The following TSHZ3 variants were observed in gnomAD, a reference collection of about 807,000 sequenced individuals.
TSHZ3 encodes the protein teashirt zinc finger homeobox 3.
A neutral mutation model predicts 64.5 loss-of-function variants in TSHZ3; 10 were observed. That is an observed-to-expected ratio of 0.16 (90% CI 0.10 to 0.26). The LOEUF is 0.26. Among genes scored for constraint, TSHZ3 ranks in the 10% least tolerant of loss-of-function variants. The pLI, the probability that TSHZ3 is intolerant of heterozygous loss-of-function variation, is 1.00. For synonymous variants in TSHZ3, 608 were observed against 593.1 expected (o/e 1.03, Z -0.36); for missense variants, 1,242 against 1,421.7 (o/e 0.87, Z 2.03).
At chr19:31,340,161 A>G (rs1048894720) in intron 1 of TSHZ3, among the ~76,000 whole-genome samples, 1 of 152,030 alleles carries the variant, frequency 6.6e-6, no homozygotes, top group Middle Eastern at 3.4e-3. Flanking sequence ...TGGCGAGAGG[A>G]TTTATGAAGC....
intron 4 of TSHZ3, among the ~76,000 whole-genome samples, chr19:31,225,187 C>G (rs1975443754): frequency 6.6e-6 from 1 of 152,086 alleles, no homozygotes; most frequent in African/African-American, 2.4e-5. Context: ...CTTCAGGTGC[C>G]CATAGAGCAT....
chr19:31,267,132 T>G, intron 1 of TSHZ3, among the ~76,000 whole-genome samples: 1 of 152,214 alleles, frequency 6.6e-6, no homozygotes, highest in East Asian at 1.9e-4. Flanking sequence ...TCCAAACTTA[T>G]GAAAGGCCAA....
chr19:31,271,137 G>A (rs144343087), downstream of TSHZ3, among the ~76,000 whole-genome samples: 55 of 152,192 alleles, frequency 3.6e-4, no homozygotes, highest in African/African-American at 1.3e-3. Flanking sequence ...CTGTCAGGCC[G>A]CTAACCAACA....
At chr19:31,263,327 G>A (rs1222822469) in intron 1 of TSHZ3, among the ~76,000 whole-genome samples, 1 of 152,208 alleles carries the variant, frequency 6.6e-6, no homozygotes. Context: ...ATGGCAGGGG[G>A]TGGGGAGTGT....
chr19:31,300,307 A>G (rs1976732375), intron 1 of TSHZ3, among the ~76,000 whole-genome samples: 1 of 152,264 alleles, frequency 6.6e-6, no homozygotes, highest in Non-Finnish European at 1.5e-5. Context: ...TGCTGTAGAA[A>G]CAAGAGCAGC....
intron 1 of TSHZ3, among the ~76,000 whole-genome samples, chr19:31,320,917 T>G (rs1422178298): frequency 6.6e-6 from 1 of 152,176 alleles, no homozygotes; most frequent in Non-Finnish European, 1.5e-5. Flanking sequence ...GGAGGCAGAA[T>G]TCCCTTCCCT....
intron 5 of TSHZ3, among the ~76,000 whole-genome samples, chr19:31,194,588 C>G (rs1259901156): frequency 6.6e-6 from 1 of 152,138 alleles, no homozygotes; most frequent in East Asian, 1.9e-4. Flanking sequence ...CTAGAGAATG[C>G]ACCCCTTCTC....
intron 5 of TSHZ3, among the ~76,000 whole-genome samples, chr19:31,178,681 A>G (rs1974651268): frequency 6.6e-6 from 1 of 152,180 alleles, no homozygotes; most frequent in Admixed American, 6.5e-5. Flanking sequence ...CTCCTTCTCA[A>G]GAAAAAAAGA....
intron 1 of TSHZ3, among the ~76,000 whole-genome samples, chr19:31,251,434 T>G (rs1190224057): frequency 3.3e-5 from 5 of 152,164 alleles, no homozygotes; most frequent in African/African-American, 4.8e-5. Context: ...GGCCTCACCC[T>G]GCCTCCTGCT....
At chr19:31,254,897 C>T (rs1975888987) in intron 1 of TSHZ3, among the ~76,000 whole-genome samples, 1 of 152,214 alleles carries the variant, frequency 6.6e-6, no homozygotes, top group Non-Finnish European at 1.5e-5. Flanking sequence ...GGAAGGACTG[C>T]AGCATCTAAA....
intron 1 of TSHZ3, among the ~76,000 whole-genome samples, chr19:31,341,640 C>CAG (rs1917442565): frequency 7.5e-6 from 1 of 133,188 alleles, no homozygotes. Flanking sequence ...GACACACACA[C>CAG]ACACACACAC....
chr19:31,334,138 C>A (rs754963940), intron 1 of TSHZ3, among the ~76,000 whole-genome samples: 1 of 152,170 alleles, frequency 6.6e-6, no homozygotes, highest in African/African-American at 2.4e-5. Flanking sequence ...ATTCACCTAA[C>A]CATCTCGGTA....
intron 1 of TSHZ3, among the ~76,000 whole-genome samples, chr19:31,244,533 C>A (rs753480100): frequency 1.3e-5 from 2 of 152,160 alleles, no homozygotes; most frequent in Admixed American, 1.3e-4. Context: ...TGTGAGGGAA[C>A]GGACTACTAT....
At chr19:31,340,914 G>A (rs1489626529) in intron 1 of TSHZ3, among the ~76,000 whole-genome samples, 2 of 152,228 alleles carry the variant, frequency 1.3e-5, no homozygotes, top group East Asian at 3.9e-4. Context: ...CACAGGCCAG[G>A]GAACCACTGC....
chr19:31,278,356 C>A lies in TSHZ3; in HGVS notation c.1437G>T (p.Ala479=), dbSNP rs555667229. The change falls in exon 2 of 2, where the codon GCG becomes GCT. Residue 479 remains alanine (A), a synonymous_variant. Coordinates refer to ENST00000240587, the MANE Select transcript of TSHZ3 (RefSeq NM_020856.4). This position sits in a 1 kb window ranked among gnomAD's most constrained non-coding sequence, Gnocchi z 4.7. ...TTTGCTTAGGTTTCTCGTCAGTGAC[C>A]GCTTTCTCCTTGTCGACTTCCTTCT... ...EVKKEVDKEK[A]VTDEKPKQKD... is the part of the protein sequence containing the mutation. The A allele has an allele frequency of 6.2e-7, 1 of 1,614,182 alleles. No individual in the cohort carries two copies. Among genetic ancestry groups the A allele is most frequent in the South Asian group, 1.1e-5 (1 of 91,084 alleles).
chr19:31,177,632 T>C (rs549468967), intron 5 of TSHZ3, among the ~76,000 whole-genome samples: 1 of 152,392 alleles, frequency 6.6e-6, no homozygotes, highest in South Asian at 2.1e-4. Flanking sequence ...TCAGCATCCC[T>C]CACTTAAATC....
At chr19:31,206,276 C>A (rs771680405) in intron 4 of TSHZ3, among the ~76,000 whole-genome samples, 1 of 144,136 alleles carries the variant, frequency 6.9e-6, no homozygotes, top group Non-Finnish European at 1.5e-5. Context: ...TGGATGGATA[C>A]GTAGATGGAT....
In TSHZ3 at chr19:31,209,113, C is replaced by T. The variant is rs567652197; in HGVS notation, n.687-4035G>A. On this transcript the variant is annotated intron_variant and non_coding_transcript_variant, in intron 4 of 6. Coordinates refer to the TSHZ3 transcript ENST00000651361. ...GATTCCCTGGTAGATTTCAAATGGA[C>T]TCAAGAGCCTAAAGACAAAGACCTT... Among the ~76,000 whole-genome samples the T allele has an allele frequency of 5.5e-4, 84 of 152,234 alleles. 1 individual carries two copies. The highest frequency in any genetic ancestry group is 3.4e-3 in the Middle Eastern group (1 of 294).
intron 5 of TSHZ3, among the ~76,000 whole-genome samples, chr19:31,197,978 G>A (rs1186167799): frequency 6.6e-6 from 1 of 151,920 alleles, no homozygotes; most frequent in African/African-American, 2.4e-5. Context: ...ACTAAAACCA[G>A]ACAAAAAGAC....
Sources: allele counts gnomAD v4.1 joint callset (sites outside exome capture counted in the v4.1 genomes callset), GRCh38; gene constraint gnomAD v4.1.1; non-coding constraint Gnocchi (gnomAD v3.1); transcripts MANE v1.5; gene names NCBI Gene and HGNC (gene_info 2026-07-23, HGNC 2026-07-21).